The following PHF2 variants were observed in gnomAD, a reference collection of about 807,000 sequenced individuals.
The protein encoded by PHF2 is PHD finger protein 2, also known as lysine-specific demethylase PHF2.
A neutral mutation model predicts 120.5 loss-of-function variants in PHF2; 27 were observed. The observed-to-expected ratio is 0.22, with a 90% CI of 0.17 to 0.31. PHF2 has a LOEUF of 0.31. Ranked by LOEUF, PHF2 falls within the 10% of genes least tolerant of loss-of-function variation. The pLI is 1.00. For missense variants in PHF2, 1,024 were observed against 1,434.8 expected (o/e 0.71, Z 4.63); for synonymous variants, 568 against 592.5 (o/e 0.96, Z 0.60).
intron 1 of PHF2, among the ~76,000 whole-genome samples, chr9:93,622,224 G>T (rs897852970): frequency 6.6e-5 from 10 of 152,210 alleles, no homozygotes; most frequent in African/African-American, 1.9e-4. Context: ...GCCTCATGTG[G>T]GCTTCAGTTT....
At chr9:93,628,937 C>T (rs10992808) in intron 1 of PHF2, among the ~76,000 whole-genome samples, 3,067 of 152,192 alleles carry the variant, frequency 0.02, 73 homozygotes, top group East Asian at 0.11. Context: ...CATTCTGTTG[C>T]CCAGGCTGGA....
chr9:93,596,986 A>C (rs1214997377), intron 1 of PHF2, among the ~76,000 whole-genome samples: 4 of 134,924 alleles, frequency 3.0e-5, no homozygotes, highest in East Asian at 4.3e-4. Context: ...GCCGGAGTGC[A>C]GTGGCACGAT....
At chr9:93,621,121 G>T (rs1327061983) in intron 1 of PHF2, among the ~76,000 whole-genome samples, 1 of 152,254 alleles carries the variant, frequency 6.6e-6, no homozygotes, top group Admixed American at 6.5e-5. Flanking sequence ...TGCAGATGTA[G>T]GGTCGGTGCT....
chr9:93,642,764 T>C (rs1308536195), intron 3 of PHF2, among the ~76,000 whole-genome samples: 2 of 152,220 alleles, frequency 1.3e-5, no homozygotes, highest in Non-Finnish European at 2.9e-5. Context: ...TGAAAAATAC[T>C]CTGTTTTCTC....
At chr9:93,662,594 G>A (rs1826594311) in intron 12 of PHF2, among the ~76,000 whole-genome samples, 1 of 151,676 alleles carries the variant, frequency 6.6e-6, no homozygotes, top group Middle Eastern at 3.2e-3. Context: ...ATGGTGCATG[G>A]ATGGATGAAT....
At chr9:93,660,595 A>T (rs1826547264) in intron 12 of PHF2, 35 bp downstream of exon 12, 1 of 1,507,142 alleles carries the variant, frequency 6.6e-7, no homozygotes, top group African/African-American at 1.4e-5. Flanking sequence ...CCACCTTATC[A>T]CCAGAGGTGC....
chr9:93,615,978 G>A (rs1296774457), intron 1 of PHF2, among the ~76,000 whole-genome samples: 1 of 152,226 alleles, frequency 6.6e-6, no homozygotes, highest in East Asian at 1.9e-4. Flanking sequence ...AGGAATACAT[G>A]CTCATTTTCT....
chr9:93,669,239 G>A (rs1461119292), intron 17 of PHF2, among the ~76,000 whole-genome samples: 1 of 152,238 alleles, frequency 6.6e-6, no homozygotes, highest in Non-Finnish European at 1.5e-5. Context: ...CCTCCAGTCT[G>A]TCTGGGCCTT....
intron 1 of PHF2, among the ~76,000 whole-genome samples, chr9:93,595,666 A>G (rs1825318399): frequency 6.6e-6 from 1 of 152,250 alleles, no homozygotes; most frequent in South Asian, 2.1e-4. Context: ...AACAAGGATG[A>G]GTGCGGCTGT....
At chr9:93,670,512 C>G (rs1826762735) in intron 17 of PHF2, among the ~76,000 whole-genome samples, 1 of 152,224 alleles carries the variant, frequency 6.6e-6, no homozygotes, top group Admixed American at 6.5e-5. Context: ...CCAGGTAGTT[C>G]TGGTGCACAG....
At chr9:93,621,074 G>C (rs79610414) in intron 1 of PHF2, among the ~76,000 whole-genome samples, 1 of 152,238 alleles carries the variant, frequency 6.6e-6, no homozygotes, top group Non-Finnish European at 1.5e-5. Context: ...GCCACTGTCG[G>C]GGTTGGTGGC....
At position 93,656,122 on chromosome 9, in the gene PHF2, C is replaced by CAA; in HGVS notation, c.1040+101_1040+102insAA. ...CCTTGGGCTGAGTCCTGGCACAGCC[C>CAA]GCCTGTGGGTGGCCTGGACATGACC... On this transcript the variant is annotated intron_variant, in intron 8 of 21. Coordinates refer to ENST00000359246, the MANE Select transcript of PHF2 (RefSeq NM_005392.4). This position sits in a 1 kb window ranked among gnomAD's most constrained non-coding sequence, Gnocchi z 4.1. 1 of 922,888 alleles carries CAA rather than the reference C, an allele frequency of 1.1e-6. No homozygotes were observed. Among genetic ancestry groups the CAA allele is most frequent in the Non-Finnish European group, 1.7e-6 (1 of 594,902 alleles). 57.2% of individuals were successfully genotyped at this position (922,888 alleles called of 1,614,324 possible). A position where few individuals can be genotyped will look rare whatever the true frequency, so the allele number is the denominator to read the frequency against.
Position 93,656,658 on chromosome 9 carries a change from C to T in PHF2, c.1147+63C>T. On this transcript the variant is annotated intron_variant, in intron 9 of 21. Coordinates refer to ENST00000359246, the MANE Select transcript of PHF2 (RefSeq NM_005392.4). This position sits in a 1 kb window ranked among gnomAD's most constrained non-coding sequence, Gnocchi z 4.1. ...CTCTTGGCTGTGGGGGCAGCCAGAC[C>T]TGGTCAGGGCTGACTGTCTGGGTGT... 2.7e-6 allele frequency: 3 copies of T among 1,108,296 alleles called. No homozygotes were observed. Among genetic ancestry groups the T allele is most frequent in the Non-Finnish European group, 4.1e-6 (3 of 729,854 alleles). The allele number at this position is 1,108,296 out of a possible 1,614,324, so 68.7% of individuals were successfully genotyped here.
At chr9:93,666,201 C>A (rs934492453) in intron 16 of PHF2, 141 bp downstream of exon 16, 10 of 702,212 alleles carry the variant, frequency 1.4e-5, no homozygotes, top group South Asian at 1.4e-4. Context: ...CTCACCCCAC[C>A]CTTTCATGAG....
At chr9:93,603,365 CAGAG>C (rs1324794468) in intron 1 of PHF2, among the ~76,000 whole-genome samples, 4 of 152,234 alleles carry the variant, frequency 2.6e-5, no homozygotes, top group Non-Finnish European at 5.9e-5. Flanking sequence ...TTTCCGGCGA[CAGAG>C]TTTAGGGCAT....
At chr9:93,624,948 G>A (rs1337785373) in intron 1 of PHF2, among the ~76,000 whole-genome samples, 1 of 152,134 alleles carries the variant, frequency 6.6e-6, no homozygotes, top group Non-Finnish European at 1.5e-5. Context: ...ACAGGGCCAG[G>A]TTCTTTTTTT....
intron 7 of PHF2, among the ~76,000 whole-genome samples, 160 bp downstream of exon 7, chr9:93,654,735 A>G (rs997434018): frequency 6.6e-6 from 1 of 152,138 alleles, no homozygotes; most frequent in Non-Finnish European, 1.5e-5. Flanking sequence ...AAGGAGGTTG[A>G]AACTGGGCAG....
chr9:93,589,149 C>A (rs545710450), intron 1 of PHF2, among the ~76,000 whole-genome samples: 2 of 152,312 alleles, frequency 1.3e-5, no homozygotes, highest in South Asian at 2.1e-4. Flanking sequence ...CTAGTTCCTT[C>A]TACAAAGCAG....
intron 1 of PHF2, among the ~76,000 whole-genome samples, chr9:93,593,847 GA>G (rs1387953358): frequency 2.0e-5 from 3 of 152,238 alleles, no homozygotes; most frequent in African/African-American, 7.2e-5. Context: ...GACGGTCTAG[GA>G]GGGAATATGC....
Sources: gnomAD v4.1 joint callset for allele counts (sites outside exome capture counted in the v4.1 genomes callset) on GRCh38, gnomAD v4.1.1 for gene constraint, Gnocchi (gnomAD v3.1) non-coding constraint, MANE v1.5 for transcripts, NCBI Gene and HGNC (gene_info 2026-07-23, HGNC 2026-07-21) for gene names.